ZNF626: variants seen among roughly 807,000 people sequenced by gnomAD.
The protein encoded by ZNF626 is CTC-513N18.7.
In ZNF626, 4 loss-of-function variants were observed where a neutral mutation model predicts 11.7. That is an observed-to-expected ratio of 0.34 (90% CI 0.17 to 0.78). The LOEUF is 0.78. ZNF626 is among the 30% of genes least tolerant of loss of function. ZNF626 has a pLI of 0.57. For synonymous variants in ZNF626, 179 were observed against 198.6 expected, an observed-to-expected ratio of 0.90 and a Z score of 0.83; for missense variants, 588 against 587.1, an observed-to-expected ratio of 1.00 and a Z score of -0.01.
chr19:20,635,096 A>G (rs1555770800), intron 3 of ZNF626, among the ~76,000 whole-genome samples: 3 of 152,294 alleles, frequency 2.0e-5, no homozygotes, highest in East Asian at 1.9e-4. Flanking sequence ...ATTAAGATAA[A>G]TATTGATGAC....
At chr19:20,649,566 C>T (rs1970122961) in intron 1 of ZNF626, among the ~76,000 whole-genome samples, 1 of 152,132 alleles carries the variant, frequency 6.6e-6, no homozygotes, top group Non-Finnish European at 1.5e-5. Context: ...ATAAGGGACT[C>T]CATGGATGCT....
At chr19:20,626,184 C>G (rs1446144093) in intron 3 of ZNF626, among the ~76,000 whole-genome samples, 1 of 152,040 alleles carries the variant, frequency 6.6e-6, no homozygotes, top group Non-Finnish European at 1.5e-5. Context: ...ACTGCTTGAA[C>G]CTGGGAGGTG....
chr19:20,654,633 C>A (rs1555772926), intron 1 of ZNF626, among the ~76,000 whole-genome samples: 1 of 150,412 alleles, frequency 6.6e-6, no homozygotes, highest in African/African-American at 2.5e-5. Flanking sequence ...GGCATGAACC[C>A]GGGAGGCGGA....
rs1969912126 is a variant in ZNF626 at position 20,632,085 on chromosome 19, ATTCTT to A, written c.227-6440_227-6436del. Among the ~76,000 whole-genome samples, 16 of 152,222 alleles carry A rather than the reference ATTCTT, an allele frequency of 1.1e-4. 1 individual carries two copies. In the South Asian group the frequency reaches 3.3e-3, roughly 32 times the overall value. Reference sequence around the variant, plus strand: ...CTGGATATGAAATTCCGGGTTGAAAATTCTTTTCTTTAAAAATGTTGAATATTGAT... The same window carrying A: ...CTGGATATGAAATTCCGGGTTGAAAATTCTTTAAAAATGTTGAATATTGAT... On this transcript the variant is annotated intron_variant, in intron 3 of 3. Transcript: ENST00000601440.
At chr19:20,627,421 A>G (rs7247393) in intron 3 of ZNF626, among the ~76,000 whole-genome samples, 68,231 of 151,732 alleles carry the variant, frequency 0.45, 16,626 homozygotes, top group African/African-American at 0.64. Flanking sequence ...CCAAAGTACC[A>G]CTAAGAAAAT....
chr19:20,643,263 G>A (rs1480374868), intron 3 of ZNF626, among the ~76,000 whole-genome samples: 1 of 151,716 alleles, frequency 6.6e-6, no homozygotes, highest in Non-Finnish European at 1.5e-5. Context: ...TCTAACTTTA[G>A]AAGCAAAGAA....
intron 3 of ZNF626, among the ~76,000 whole-genome samples, chr19:20,635,550 T>A (rs1488716367): frequency 2.0e-5 from 3 of 152,066 alleles, no homozygotes; most frequent in Admixed American, 6.6e-5. Context: ...CTCAATCTTC[T>A]GACACCGTGA....
intron 3 of ZNF626, among the ~76,000 whole-genome samples, 169 bp from the exon 4 acceptor site, chr19:20,625,819 G>A (rs797025409): frequency 1.4e-5 from 2 of 143,574 alleles, no homozygotes; most frequent in African/African-American, 5.1e-5. Context: ...AAAACATACT[G>A]ATCAAAATAC....
At position 20,652,383 on chromosome 19, in the gene ZNF626, G is replaced by A. The variant is rs187302573; in HGVS notation, c.4-5978C>T. 3.8e-3 allele frequency among the ~76,000 whole-genome samples: 569 copies of A among 150,868 alleles called. 4 individuals carry two copies. Among genetic ancestry groups the A allele is most frequent in the Non-Finnish European group, 4.6e-3 (313 of 67,710 alleles). ...TTTACAGATTATATATAACCTGCGA[G>A]CAAAGATTAAAGTTGCCTGGAATCT... On this transcript the variant is annotated intron_variant, in intron 1 of 3. Transcript: ENST00000601440.
chr19:20,648,307 A>G (rs559135821), intron 1 of ZNF626, among the ~76,000 whole-genome samples: 1 of 151,928 alleles, frequency 6.6e-6, no homozygotes, highest in Non-Finnish European at 1.5e-5. Flanking sequence ...TCTCCTAATA[A>G]TTTTTTTCAG....
At position 20,620,059 on chromosome 19, in the gene ZNF626, TGTA is replaced by T. The variant is rs1969740226; in HGVS notation, c.*4228_*4230del. 6.6e-6 allele frequency: 1 copy of T among 152,212 alleles called. No homozygotes were observed. The highest frequency in any genetic ancestry group is 1.5e-5 in the Non-Finnish European group (1 of 68,042). 9.4% of individuals were successfully genotyped at this position (152,212 alleles called of 1,614,324 possible). ...TCACACACACATAGAACAATAAAAA[TGTA>T]TCCAATTATTCAATTTTGGTTAAAT... On this transcript the variant is annotated 3_prime_UTR_variant, in exon 4 of 4. Coordinates refer to ENST00000601440, the MANE Select transcript of ZNF626 (RefSeq NM_001076675.3).
chr19:20,648,660 G>A (rs1012306911), intron 1 of ZNF626, among the ~76,000 whole-genome samples: 5 of 152,004 alleles, frequency 3.3e-5, no homozygotes, highest in Non-Finnish European at 7.4e-5. Flanking sequence ...TGTGAGCCAC[G>A]GCACCTGGCC....
At chr19:20,654,368 C>T (rs941756014) in intron 1 of ZNF626, among the ~76,000 whole-genome samples, 9 of 148,616 alleles carry the variant, frequency 6.1e-5, no homozygotes, top group African/African-American at 2.0e-4. Context: ...GCTTGAACCT[C>T]GGAGGCGGAG....
chr19:20,630,874 A>T (rs1451719018), intron 3 of ZNF626, among the ~76,000 whole-genome samples: 31 of 151,378 alleles, frequency 2.0e-4, no homozygotes, highest in African/African-American at 7.5e-4. Context: ...TTAGGGTGTC[A>T]ATTTTAGATC....
At chr19:20,645,205 C>A in intron 3 of ZNF626, 1 of 1,209,088 alleles carries the variant, frequency 8.3e-7, no homozygotes, top group South Asian at 3.3e-5. Flanking sequence ...ATATTTCAAG[C>A]CTAGATAGTA....
In ZNF626 at chr19:20,622,701, C is replaced by T. The variant is rs1413070380; in HGVS notation, c.*1589G>A. The T allele has an allele frequency of 6.6e-6, 1 of 152,116 alleles. No individual in the cohort carries two copies. Among genetic ancestry groups the T allele is most frequent in the Non-Finnish European group, 1.5e-5 (1 of 68,012 alleles). 9.4% of individuals were successfully genotyped at this position (152,116 alleles called of 1,614,324 possible). ...ATACTAATTTATACAAACTTATATA[C>T]AAATTTAACAACTTTAGTTGTGAAT... On this transcript the variant is annotated 3_prime_UTR_variant, in exon 4 of 4. Transcript: ENST00000601440.
At chr19:20,632,747 C>G (rs1555770485) in intron 3 of ZNF626, among the ~76,000 whole-genome samples, 1 of 152,126 alleles carries the variant, frequency 6.6e-6, no homozygotes, top group Non-Finnish European at 1.5e-5. Context: ...CCTCCTGTAG[C>G]TTGGAATAGT....
At chr19:20,630,300 AG>A (rs1404484009) in intron 3 of ZNF626, among the ~76,000 whole-genome samples, 1 of 152,204 alleles carries the variant, frequency 6.6e-6, no homozygotes. Flanking sequence ...TCACAAAATG[AG>A]TTAGGGAGGA....
At chr19:20,651,372 TAA>T (rs1267060872) in intron 1 of ZNF626, among the ~76,000 whole-genome samples, 1 of 151,352 alleles carries the variant, frequency 6.6e-6, no homozygotes, top group African/African-American at 2.4e-5. Flanking sequence ...TAGTCTAGAC[TAA>T]GTTTCTGGAT....
Sources: gnomAD v4.1 joint callset for allele counts (sites outside exome capture counted in the v4.1 genomes callset) on GRCh38, gnomAD v4.1.1 for gene constraint, MANE v1.5 for transcripts, NCBI Gene and HGNC (gene_info 2026-07-23, HGNC 2026-07-21) for gene names.